The following CDK19 variants were observed in gnomAD, a reference collection of about 807,000 sequenced individuals.
CDK19 encodes cyclin dependent kinase 19.
Under a neutral mutation model 68.3 loss-of-function variants are expected in CDK19, and 20 were observed. The ratio of observed to expected loss-of-function variants is 0.29; its 90% CI spans 0.21 to 0.43. CDK19 has a LOEUF of 0.43. Ranked by LOEUF, CDK19 falls within the 20% of genes least tolerant of loss-of-function variation. The probability of loss-of-function intolerance (pLI) is 1.00; values close to 1 mark genes in which losing one functional copy is unlikely to be tolerated. For missense variants in CDK19, 339 were observed against 623.5 expected (o/e 0.54, Z 4.86); for synonymous variants, 221 against 222.8 (o/e 0.99, Z 0.07).
chr6:110,706,646 C>T (rs1774525841), intron 2 of CDK19: 1 of 151,822 alleles, frequency 6.6e-6, no homozygotes, highest in Non-Finnish European at 1.5e-5. Context: ...ATCTCCTGAC[C>T]TTGTGATCCA....
chr6:110,690,012 T>C (rs1384344375), intron 2 of CDK19, among the ~76,000 whole-genome samples: 1 of 152,198 alleles, frequency 6.6e-6, no homozygotes, highest in Non-Finnish European at 1.5e-5. Flanking sequence ...AGAGGCATAG[T>C]TGCAGTGCTG....
intron 2 of CDK19, among the ~76,000 whole-genome samples, chr6:110,700,225 A>G (rs1773877190): frequency 6.6e-6 from 1 of 152,228 alleles, no homozygotes. Flanking sequence ...CAGAGTTCCC[A>G]CTGATTACAC....
At chr6:110,787,893 G>C (rs1298172150) in intron 1 of CDK19, among the ~76,000 whole-genome samples, 1 of 152,198 alleles carries the variant, frequency 6.6e-6, no homozygotes, top group African/African-American at 2.4e-5. Context: ...AGGCTGGAGT[G>C]CAGTGGCGTG....
intron 4 of CDK19, 24 bp from the exon 5 acceptor site, chr6:110,638,730 A>T: frequency 7.6e-7 from 1 of 1,319,296 alleles, no homozygotes; most frequent in Non-Finnish European, 1.1e-6. Context: ...TAGAGCATTC[A>T]AATTACCATG....
chr6:110,701,900 T>C (rs1774038472), intron 2 of CDK19, among the ~76,000 whole-genome samples: 1 of 151,990 alleles, frequency 6.6e-6, no homozygotes, highest in Admixed American at 6.6e-5. Flanking sequence ...CCCAGCACTT[T>C]GGGAGGCCGG....
chr6:110,645,757 G>A (rs2114820332), intron 4 of CDK19: 3 of 549,444 alleles, frequency 5.5e-6, no homozygotes, highest in South Asian at 1.7e-5. Flanking sequence ...GGTAATGCAT[G>A]GACAATGAGC....
At chr6:110,751,923 A>C (rs1378002290) in intron 1 of CDK19, among the ~76,000 whole-genome samples, 1 of 152,002 alleles carries the variant, frequency 6.6e-6, no homozygotes, top group Non-Finnish European at 1.5e-5. Context: ...TTTTTCTTCA[A>C]GAAGAATGAT....
chr6:110,792,923 C>T (rs1220981208), intron 1 of CDK19, among the ~76,000 whole-genome samples: 1 of 152,156 alleles, frequency 6.6e-6, no homozygotes, highest in Non-Finnish European at 1.5e-5. Context: ...GACTCAATTA[C>T]TCCTCGCAAC....
upstream of CDK19, chr6:110,815,748 A>AG (rs1177939459): frequency 6.6e-6 from 1 of 152,464 alleles, no homozygotes; most frequent in Admixed American, 6.5e-5. Flanking sequence ...TCTAGTGGGA[A>AG]GGGGATACTT....
intron 1 of CDK19, among the ~76,000 whole-genome samples, chr6:110,769,922 C>T (rs1779891857): frequency 6.6e-6 from 1 of 152,054 alleles, no homozygotes; most frequent in Non-Finnish European, 1.5e-5. Context: ...GTATGAAAGG[C>T]TTTAAATTGC....
At chr6:110,800,134 C>A (rs768891294) in intron 1 of CDK19, among the ~76,000 whole-genome samples, 1 of 152,150 alleles carries the variant, frequency 6.6e-6, no homozygotes, top group Non-Finnish European at 1.5e-5. Flanking sequence ...CAAAATACTA[C>A]AAACATTATT....
intron 1 of CDK19, among the ~76,000 whole-genome samples, chr6:110,783,883 G>A (rs958862491): frequency 2.0e-5 from 3 of 151,936 alleles, no homozygotes; most frequent in African/African-American, 7.2e-5. Context: ...AGGCAGGCTG[G>A]GCACGGTGGC....
intron 1 of CDK19, among the ~76,000 whole-genome samples, chr6:110,792,627 G>A (rs1214667758): frequency 1.3e-5 from 2 of 152,288 alleles, no homozygotes; most frequent in South Asian, 2.1e-4. Flanking sequence ...GGCTGGTCTC[G>A]AACTCCTGAC....
chr6:110,659,857 G>A (rs1781510100), intron 4 of CDK19, among the ~76,000 whole-genome samples: 1 of 152,120 alleles, frequency 6.6e-6, no homozygotes, highest in African/African-American at 2.4e-5. Context: ...TTTCCAACCA[G>A]AACCGCCGCT....
intron 1 of CDK19, among the ~76,000 whole-genome samples, chr6:110,760,987 C>T (rs1414685339): frequency 1.3e-5 from 2 of 152,164 alleles, no homozygotes; most frequent in African/African-American, 4.8e-5. Flanking sequence ...CAGCACGATA[C>T]ATCTGAAGTT....
rs755618032 is a variant in CDK19, at chr6:110,617,662, T to TATACAC, written c.1378-2997_1378-2996insGTGTAT. 5.1e-3 allele frequency among the ~76,000 whole-genome samples: 547 copies of TATACAC among 107,132 alleles called. 4 individuals carry two copies. Among genetic ancestry groups the TATACAC allele is most frequent in the African/African-American group, 0.017 (435 of 25,932 alleles). The allele number at this position is 107,132 out of a possible 152,430, so 70.3% of individuals were successfully genotyped here. On this transcript the variant is annotated intron_variant, in intron 12 of 12. Transcript: ENST00000368911. The stretch of plus-strand genomic sequence containing the variant: ...AATAATAAAATTATTTATATATATA[T>TATACAC]ACACACACACACACACACACACACA...
chr6:110,813,087 C>T (rs910767819), intron 1 of CDK19: 2 of 149,082 alleles, frequency 1.3e-5, no homozygotes, highest in African/African-American at 4.9e-5. Context: ...ATTTTGAAGA[C>T]ACACAAACTA....
At chr6:110,617,601 T>C (rs965074570) in intron 12 of CDK19, among the ~76,000 whole-genome samples, 2 of 150,896 alleles carry the variant, frequency 1.3e-5, no homozygotes, top group Non-Finnish European at 2.9e-5. Flanking sequence ...CTGACCAACA[T>C]GGCGAAACCC....
intron 2 of CDK19, among the ~76,000 whole-genome samples, chr6:110,740,889 T>C (rs1777610120): frequency 6.6e-6 from 1 of 152,142 alleles, no homozygotes; most frequent in Non-Finnish European, 1.5e-5. Context: ...CTCAATTCCC[T>C]TATATACTCT....
Sources: allele counts gnomAD v4.1 joint callset (sites outside exome capture counted in the v4.1 genomes callset), GRCh38; gene constraint gnomAD v4.1.1; transcripts MANE v1.5; gene names NCBI Gene and HGNC (gene_info 2026-07-23, HGNC 2026-07-21).